Variants in PARPBP observed in about 807,000 individuals in gnomAD.
The protein encoded by PARPBP is PARP1 binding protein.
In PARPBP, 52 loss-of-function variants were observed where a neutral mutation model predicts 50.0. The ratio of observed to expected loss-of-function variants is 1.04; its 90% CI spans 0.83 to 1.31. PARPBP has a LOEUF of 1.31. Among genes scored for constraint, PARPBP ranks in the 50% most tolerant of loss-of-function variants. The probability of loss-of-function intolerance (pLI) is 0.00; values close to 1 mark genes in which losing one functional copy is unlikely to be tolerated. For synonymous variants in PARPBP, 244 were observed against 232.1 expected, an observed-to-expected ratio of 1.05 and a Z score of -0.47; for missense variants, 697 against 672.0, an observed-to-expected ratio of 1.04 and a Z score of -0.41.
chr12:102,193,337 T>C (rs1890981047), intron 9 of PARPBP, among the ~76,000 whole-genome samples: 1 of 151,890 alleles, frequency 6.6e-6, no homozygotes, highest in South Asian at 2.1e-4. Flanking sequence ...ATATAATTAT[T>C]ATTTAGTATT....
At chr12:102,139,011 C>T (rs961978445) in intron 2 of PARPBP, among the ~76,000 whole-genome samples, 15 of 152,054 alleles carry the variant, frequency 9.9e-5, no homozygotes, top group Admixed American at 2.0e-4. Flanking sequence ...GTAGTTTTTT[C>T]CAATTCTGTG....
chr12:102,174,664 CT>C (rs936578452), intron 6 of PARPBP, among the ~76,000 whole-genome samples: 3 of 152,136 alleles, frequency 2.0e-5, no homozygotes, highest in Non-Finnish European at 2.9e-5. Flanking sequence ...GATCTCCTGG[CT>C]TTAAAAGAGA....
intron 9 of PARPBP, among the ~76,000 whole-genome samples, chr12:102,183,366 A>C (rs186831830): frequency 6.6e-6 from 1 of 152,140 alleles, no homozygotes. Context: ...AAAAGAGAAG[A>C]CTAATTTGTA....
chr12:102,196,071 G>A lies in PARPBP; in HGVS notation c.1520G>A (p.Ser507Asn). The A allele has an allele frequency of 6.2e-7, 1 of 1,611,866 alleles. No individual in the cohort carries two copies. Among genetic ancestry groups the A allele is most frequent in the Non-Finnish European group, 8.5e-7 (1 of 1,178,632 alleles). ...TCAACCAGTCAGACAGGAAATAAAAGCTCAAAAAGGAAACAGGTGGATTTG... is the reference window on the plus strand; with the variant it reads ...TCAACCAGTCAGACAGGAAATAAAAACTCAAAAAGGAAACAGGTGGATTTG... ...RKSTSQTGNK[S>N]SKRKQVDLDG... The change falls in exon 11 of 11, where the codon AGC becomes AAC. Residue 507 changes from serine (S) to asparagine (N), a missense_variant. Physicochemically the swap from Ser to Asn is conservative, Grantham distance 46. Coordinates refer to ENST00000327680, the MANE Select transcript of PARPBP (RefSeq NM_017915.5).
In PARPBP at chr12:102,192,039, G is replaced by A. The variant is rs540961904; in HGVS notation, c.1264-3273G>A. 1.4e-3 allele frequency among the ~76,000 whole-genome samples: 214 copies of A among 152,170 alleles called. 1 individual carries two copies. The highest frequency in any genetic ancestry group is 3.7e-3 in the African/African-American group (155 of 41,532). On this transcript the variant is annotated intron_variant, in intron 9 of 10. Coordinates refer to ENST00000327680, the MANE Select transcript of PARPBP (RefSeq NM_017915.5). The stretch of plus-strand genomic sequence containing the variant: ...GAAAAATTCAACTTTTATGAACAAA[G>A]GAAAAGCAATCTCTTTTAAGTTATA...
intron 3 of PARPBP, among the ~76,000 whole-genome samples, chr12:102,152,933 CAAAAA>C (rs80188087): frequency 1.2e-5 from 1 of 80,468 alleles, no homozygotes; most frequent in Non-Finnish European, 2.5e-5. Context: ...AACAGTAAAA[CAAAAA>C]AAAAAAAAAA....
chr12:102,193,692 T>G (rs1045672483), intron 9 of PARPBP, among the ~76,000 whole-genome samples: 4 of 152,070 alleles, frequency 2.6e-5, no homozygotes, highest in Non-Finnish European at 4.4e-5. Context: ...TTAATAAAAC[T>G]TATTTAAATA....
chr12:102,140,187 C>T (rs1442926649), intron 2 of PARPBP, among the ~76,000 whole-genome samples: 1 of 152,152 alleles, frequency 6.6e-6, no homozygotes, highest in Non-Finnish European at 1.5e-5. Flanking sequence ...TTCAGGGATT[C>T]AACTTCTTCC....
chr12:102,178,750 G>A lies in PARPBP; in HGVS notation c.1164G>A (p.Thr388=), dbSNP rs762271943. Residue 388 remains threonine, a synonymous_variant, in exon 8 of 11, where the codon ACG becomes ACA. Coordinates refer to ENST00000327680, the MANE Select transcript of PARPBP (RefSeq NM_017915.5). ...DEENTIHHHG[T]SILTLFRSPT... ...AAAACACAATCCATCATCATGGAACGTCTATTCTTACACTTTTTAGGTAAG... is the reference window on the plus strand; with the variant it reads ...AAAACACAATCCATCATCATGGAACATCTATTCTTACACTTTTTAGGTAAG... 56 of 1,609,174 alleles carry A rather than the reference G, an allele frequency of 3.5e-5. 1 individual carries two copies. The Middle Eastern group carries it at 5.0e-4, about 14-fold the overall frequency.
chr12:102,195,150 C>T (rs923304599), intron 9 of PARPBP, among the ~76,000 whole-genome samples, 162 bp from the exon 10 acceptor site: 1 of 151,418 alleles, frequency 6.6e-6, no homozygotes, highest in African/African-American at 2.4e-5. Flanking sequence ...AATGAGTTTG[C>T]AAACTATGAA....
At chr12:102,134,624 C>T (rs1209788044) in intron 2 of PARPBP, among the ~76,000 whole-genome samples, 2 of 152,094 alleles carry the variant, frequency 1.3e-5, no homozygotes, top group East Asian at 3.9e-4. Flanking sequence ...TAAGTATTCT[C>T]CTCATAGACT....
intron 1 of PARPBP, among the ~76,000 whole-genome samples, chr12:102,121,576 C>CAAAA (rs1881107674): frequency 9.7e-6 from 1 of 103,340 alleles, no homozygotes; most frequent in African/African-American, 4.0e-5. Flanking sequence ...TTTTTTAAGA[C>CAAAA]AGAGTCTCAC....
chr12:102,156,704 C>T (rs1239870926), intron 4 of PARPBP, among the ~76,000 whole-genome samples: 10 of 152,040 alleles, frequency 6.6e-5, no homozygotes, highest in Non-Finnish European at 8.8e-5. Flanking sequence ...CAGTGTGGCA[C>T]GATCTCCACT....
rs528710747 is a variant in PARPBP at position 102,132,429 on chromosome 12, G to GT, written c.153+8394dup. ...TTAGACTGTTCTTTCCCCATTAGGT[G>GT]TTTTTTGTATCTTTTTTCAAAACCA... On this transcript the variant is annotated intron_variant, in intron 2 of 10. Coordinates refer to ENST00000327680, the MANE Select transcript of PARPBP (RefSeq NM_017915.5). Among the ~76,000 whole-genome samples, 9 of 152,158 alleles carry GT rather than the reference G, an allele frequency of 5.9e-5. No individual in the cohort carries two copies. In the East Asian group the frequency reaches 1.2e-3, roughly 20 times the overall value.
chr12:102,163,467 A>G (rs538799677), intron 4 of PARPBP, among the ~76,000 whole-genome samples: 2 of 152,224 alleles, frequency 1.3e-5, no homozygotes, highest in African/African-American at 2.4e-5. Flanking sequence ...TATTGGATCT[A>G]TAAGTTAATG....
At chr12:102,184,969 C>T (rs1167316585) in intron 9 of PARPBP, among the ~76,000 whole-genome samples, 1 of 152,112 alleles carries the variant, frequency 6.6e-6, no homozygotes, top group Non-Finnish European at 1.5e-5. Flanking sequence ...TTGAAATGAG[C>T]ATTTCAAAGG....
chr12:102,126,632 A>T (rs1015347388), intron 2 of PARPBP, among the ~76,000 whole-genome samples: 3 of 152,086 alleles, frequency 2.0e-5, no homozygotes, highest in African/African-American at 4.8e-5. Flanking sequence ...ATTAAAAATT[A>T]AAAAATTAGC....
intron 7 of PARPBP, among the ~76,000 whole-genome samples, chr12:102,177,298 A>G (rs1889378415): frequency 6.6e-6 from 1 of 152,236 alleles, no homozygotes; most frequent in Non-Finnish European, 1.5e-5. Flanking sequence ...CAGAAGATGT[A>G]GCTTTGATAT....
chr12:102,135,657 T>G (rs936568070), intron 2 of PARPBP, among the ~76,000 whole-genome samples: 7 of 152,010 alleles, frequency 4.6e-5, no homozygotes, highest in African/African-American at 1.7e-4. Flanking sequence ...TCCCTGGACC[T>G]CAGTTTACAC....
Sources: gnomAD v4.1 joint callset for allele counts (sites outside exome capture counted in the v4.1 genomes callset) on GRCh38, gnomAD v4.1.1 for gene constraint, MANE v1.5 for transcripts, NCBI Gene and HGNC (gene_info 2026-07-23, HGNC 2026-07-21) for gene names.